Variants in NTM observed in about 807,000 individuals in gnomAD.
The protein encoded by NTM is neurotrimin.
In NTM, 13 loss-of-function variants were observed where a neutral mutation model predicts 42.1. The ratio of observed to expected loss-of-function variants is 0.31; its 90% CI spans 0.20 to 0.49. NTM has a LOEUF of 0.49. Ranked by LOEUF, NTM falls within the 20% of genes least tolerant of loss-of-function variation. The probability of loss-of-function intolerance (pLI) is 0.99; values close to 1 mark genes in which losing one functional copy is unlikely to be tolerated. For synonymous variants in NTM, 187 were observed against 179.2 expected, an observed-to-expected ratio of 1.04 and a Z score of -0.35; for missense variants, 373 against 452.8, an observed-to-expected ratio of 0.82 and a Z score of 1.60.
intron 3 of NTM, among the ~76,000 whole-genome samples, chr11:132,184,152 G>T (rs1013671653): frequency 6.6e-6 from 1 of 152,156 alleles, no homozygotes; most frequent in African/African-American, 2.4e-5. Flanking sequence ...GGGGGTGTCC[G>T]TAGATCTTCC....
At chr11:131,947,696 G>A in intron 2 of NTM, among the ~76,000 whole-genome samples, 1 of 152,116 alleles carries the variant, frequency 6.6e-6, no homozygotes, top group Non-Finnish European at 1.5e-5. Flanking sequence ...TTCCTCACAT[G>A]GAAGCCAGTC....
chr11:131,745,034 G>T (rs551761570), intron 1 of NTM, among the ~76,000 whole-genome samples: 1 of 152,338 alleles, frequency 6.6e-6, no homozygotes, highest in South Asian at 2.1e-4. Context: ...GCCGCTTGTG[G>T]TGTTTATAAA....
chr11:131,581,773 C>T (rs1284690883), intron 1 of NTM, among the ~76,000 whole-genome samples: 1 of 152,152 alleles, frequency 6.6e-6, no homozygotes, highest in African/African-American at 2.4e-5. Context: ...CTCCCATGCA[C>T]TTTGTTTAAT....
chr11:131,584,963 T>C (rs77147373), intron 1 of NTM, among the ~76,000 whole-genome samples: 1 of 146,872 alleles, frequency 6.8e-6, no homozygotes, highest in Non-Finnish European at 1.5e-5. Flanking sequence ...TATCAGGCCA[T>C]TGAAGAAGCG....
At chr11:131,581,603 C>T (rs2058418144) in intron 1 of NTM, among the ~76,000 whole-genome samples, 1 of 152,134 alleles carries the variant, frequency 6.6e-6, no homozygotes, top group African/African-American at 2.4e-5. Flanking sequence ...GGGACTTCCT[C>T]GTTATTCTGA....
intron 2 of NTM, among the ~76,000 whole-genome samples, chr11:132,120,720 A>C (rs896722241): frequency 2.0e-5 from 3 of 152,156 alleles, no homozygotes; most frequent in Non-Finnish European, 4.4e-5. Context: ...TATCCACAGG[A>C]GTCCCCAGAG....
chr11:131,524,232 G>A (rs914070155), intron 1 of NTM, among the ~76,000 whole-genome samples: 2 of 152,146 alleles, frequency 1.3e-5, no homozygotes, highest in African/African-American at 4.8e-5. Context: ...GCCCACATGG[G>A]CTCCTTCTTC....
chr11:131,967,375 G>A (rs1349155511), intron 2 of NTM, among the ~76,000 whole-genome samples: 1 of 152,152 alleles, frequency 6.6e-6, no homozygotes, highest in Non-Finnish European at 1.5e-5. Context: ...ACTTTTGGAG[G>A]ATAGGCATAT....
chr11:131,442,825 A>G (rs1027275920), intron 1 of NTM, among the ~76,000 whole-genome samples: 2 of 151,950 alleles, frequency 1.3e-5, no homozygotes, highest in African/African-American at 4.8e-5. Context: ...GTGTATATAT[A>G]TATATACACA....
chr11:132,313,593 C>A (rs935521344), intron 6 of NTM, among the ~76,000 whole-genome samples: 2 of 152,180 alleles, frequency 1.3e-5, no homozygotes, highest in Admixed American at 1.3e-4. Flanking sequence ...AAGAAATGGA[C>A]ATTTCGGAAT....
At chr11:131,798,411 G>A (rs376737119) in intron 1 of NTM, among the ~76,000 whole-genome samples, 11 of 152,240 alleles carry the variant, frequency 7.2e-5, no homozygotes, top group East Asian at 3.9e-4. Context: ...CTGTCCTCCC[G>A]TGGCCTCGCT....
intron 4 of NTM, among the ~76,000 whole-genome samples, chr11:132,252,575 T>C (rs2139399562): frequency 6.6e-6 from 1 of 152,274 alleles, no homozygotes; most frequent in African/African-American, 2.4e-5. Context: ...GCCAGAGATG[T>C]AGATGGGTAG....
At chr11:131,675,450 C>T (rs1592490377) in intron 1 of NTM, among the ~76,000 whole-genome samples, 1 of 152,202 alleles carries the variant, frequency 6.6e-6, no homozygotes, top group Non-Finnish European at 1.5e-5. Context: ...GAATGGTGGC[C>T]GCATTAATTA....
At chr11:131,806,668 G>GTTCCCGGATTTTATGC (rs1294382995) in intron 1 of NTM, among the ~76,000 whole-genome samples, 7 of 152,116 alleles carry the variant, frequency 4.6e-5, no homozygotes, top group Non-Finnish European at 8.8e-5. Flanking sequence ...GCGAGGAGTG[G>GTTCCCGGATTTTATGC]TTCCCGGATT....
intron 3 of NTM, among the ~76,000 whole-genome samples, chr11:132,202,494 C>T (rs994623360): frequency 2.0e-5 from 3 of 152,158 alleles, no homozygotes; most frequent in African/African-American, 7.2e-5. Context: ...AAACAGATGG[C>T]CCTGTCTGGA....
chr11:131,861,370 G>T (rs941306155), intron 1 of NTM, among the ~76,000 whole-genome samples: 1 of 152,092 alleles, frequency 6.6e-6, no homozygotes, highest in East Asian at 1.9e-4. Context: ...GGCTTGGGTG[G>T]CCCCTCCCCC....
chr11:131,648,140 A>G (rs1168649343), intron 1 of NTM, among the ~76,000 whole-genome samples: 1 of 152,192 alleles, frequency 6.6e-6, no homozygotes, highest in Non-Finnish European at 1.5e-5. Context: ...TAGTTTGCTA[A>G]GGGTGATGGC....
At chr11:131,553,720 C>T (rs570057075) in intron 1 of NTM, among the ~76,000 whole-genome samples, 4 of 152,294 alleles carry the variant, frequency 2.6e-5, no homozygotes, top group Non-Finnish European at 4.4e-5. Context: ...ACTCTCCCGT[C>T]TATATAATTT....
chr11:131,401,820 A>ATATATGTGTG (rs1336974293), intron 1 of NTM, among the ~76,000 whole-genome samples: 3 of 49,914 alleles, frequency 6.0e-5, no homozygotes, highest in African/African-American at 2.7e-4. Context: ...ATATATATAT[A>ATATATGTGTG]TATATATATA....
Sources: allele counts gnomAD v4.1 joint callset (sites outside exome capture counted in the v4.1 genomes callset), GRCh38; gene constraint gnomAD v4.1.1; transcripts MANE v1.5; gene names NCBI Gene and HGNC (gene_info 2026-07-23, HGNC 2026-07-21).